The following KHDC1 variants were observed in gnomAD, a reference collection of about 807,000 sequenced individuals.
KHDC1 encodes KH domain containing 1.
Under a neutral mutation model 24.7 loss-of-function variants are expected in KHDC1, and 21 were observed. The observed-to-expected ratio is 0.85, with a 90% CI of 0.60 to 1.23. The LOEUF is 1.23. KHDC1 is among the 50% of genes most tolerant of loss of function. The pLI, the probability that KHDC1 is intolerant of heterozygous loss-of-function variation, is 0.00. For synonymous variants in KHDC1, 98 were observed against 111.7 expected (o/e 0.88, Z 0.77); for missense variants, 274 against 298.5 (o/e 0.92, Z 0.61).
intron 2 of KHDC1, among the ~76,000 whole-genome samples, chr6:73,283,435 T>G (rs35705185): frequency 0.069 from 10,519 of 152,096 alleles, 382 homozygotes; most frequent in East Asian, 0.13. Flanking sequence ...TTTTGTTATA[T>G]AGAGACAGGG....
intron 2 of KHDC1, among the ~76,000 whole-genome samples, chr6:73,277,288 A>T (rs1767316041): frequency 6.6e-6 from 1 of 152,136 alleles, no homozygotes; most frequent in Non-Finnish European, 1.5e-5. Flanking sequence ...AACATGGTGA[A>T]ACCCCATCTC....
intron 1 of KHDC1, among the ~76,000 whole-genome samples, chr6:73,304,913 T>C (rs1767934266): frequency 2.0e-5 from 3 of 152,050 alleles, no homozygotes; most frequent in Admixed American, 2.0e-4. Flanking sequence ...TGGGAACATA[T>C]ATAACAAATT....
At chr6:73,256,403 T>C (rs2150561941) in intron 2 of KHDC1, among the ~76,000 whole-genome samples, 1 of 152,342 alleles carries the variant, frequency 6.6e-6, no homozygotes, top group Admixed American at 6.5e-5. Flanking sequence ...ACAATTTTTA[T>C]TGGCAGTCTG....
At chr6:73,258,598 G>A (rs1183905384) in intron 2 of KHDC1, among the ~76,000 whole-genome samples, 1 of 152,186 alleles carries the variant, frequency 6.6e-6, no homozygotes, top group Non-Finnish European at 1.5e-5. Flanking sequence ...TTAGTAGGAA[G>A]GATGCATTTG....
chr6:73,250,483 C>T lies in KHDC1; in HGVS notation c.207-7953G>A, dbSNP rs528117240. Among the ~76,000 whole-genome samples the T allele has an allele frequency of 1.7e-3, 255 of 152,332 alleles. 1 individual carries two copies. The highest frequency in any genetic ancestry group is 2.4e-3 in the Non-Finnish European group (162 of 68,036). ...TAGCTACAAGTATTTTGCTACCAAC[C>T]TGAAGAGGAAGCCAACACAAGGTGG... On this transcript the variant is annotated intron_variant, in intron 2 of 4. Transcript: ENST00000370384.
intron 1 of KHDC1, among the ~76,000 whole-genome samples, chr6:73,297,333 T>TAAAATATAGATTTCATGATGATGAGCA (rs1428613066): frequency 2.0e-4 from 30 of 152,328 alleles, no homozygotes; most frequent in African/African-American, 7.2e-4. Flanking sequence ...TTTCTCCCAC[T>TAAAATATAGATTTCATGATGATGAGCA]AAAATATAGA....
chr6:73,302,728 T>C lies in KHDC1; in HGVS notation c.163+6824A>G, dbSNP rs111296038. ...CCATTATTGTATTTGAGGCCCATCATTGACTGAAATGTCATTATGTGATAT... is the reference window on the plus strand; with the variant it reads ...CCATTATTGTATTTGAGGCCCATCACTGACTGAAATGTCATTATGTGATAT... On this transcript the variant is annotated intron_variant, in intron 1 of 4. Transcript: ENST00000370384. Among the ~76,000 whole-genome samples, 3 of 152,336 alleles carry C rather than the reference T, an allele frequency of 2.0e-5. No homozygotes were observed. In the East Asian group the frequency reaches 5.8e-4, roughly 29 times the overall value.
chr6:73,294,636 C>T (rs773541837), intron 1 of KHDC1, among the ~76,000 whole-genome samples: 2 of 152,202 alleles, frequency 1.3e-5, no homozygotes, highest in Admixed American at 6.5e-5. Flanking sequence ...ACATGCCACT[C>T]ATCCATTAAC....
At position 73,242,630 on chromosome 6, in the gene KHDC1, C is replaced by T. The variant is rs745904976; in HGVS notation, c.207-100G>A. On this transcript the variant is annotated intron_variant, in intron 2 of 4. Coordinates refer to ENST00000370384, the Ensembl canonical transcript of KHDC1. ...TGTCCTTAACATAGGAACCCAACAA[C>T]CTGCCCCTTGAACTACCTTAGGGTG... is the stretch of plus-strand genomic sequence containing the variant. 7 of 1,485,154 alleles carry T rather than the reference C, an allele frequency of 4.7e-6. No individual in the cohort carries two copies. The South Asian group carries it at 6.2e-5, about 13-fold the overall frequency. 92.0% of individuals were successfully genotyped at this position (1,485,154 alleles called of 1,614,324 possible). A position where few individuals can be genotyped will look rare whatever the true frequency, so the allele number is the denominator to read the frequency against.
At chr6:73,291,965 G>A in intron 2 of KHDC1, 1 of 1,611,456 alleles carries the variant, frequency 6.2e-7, no homozygotes, top group Non-Finnish European at 8.5e-7. Flanking sequence ...TGGTAAGATG[G>A]CGGGGTACGA....
intron 2 of KHDC1, among the ~76,000 whole-genome samples, chr6:73,261,326 C>T (rs1183998365): frequency 2.0e-5 from 3 of 151,860 alleles, no homozygotes; most frequent in African/African-American, 7.3e-5. Flanking sequence ...GCCTGTAATC[C>T]CAGCTACTTG....
At chr6:73,262,982 G>C (rs1219593814) in intron 2 of KHDC1, 1 of 1,001,740 alleles carries the variant, frequency 1.0e-6, no homozygotes, top group South Asian at 4.2e-5. Flanking sequence ...GGGCTTTGAC[G>C]GTAGGAATGA....
intron 1 of KHDC1, chr6:73,301,273 A>G (rs549520817): frequency 2.5e-4 from 38 of 152,224 alleles, no homozygotes; most frequent in Non-Finnish European, 4.8e-4. Context: ...TAATCTACAC[A>G]GAGTTTTGAA....
intron 2 of KHDC1, among the ~76,000 whole-genome samples, chr6:73,244,702 C>CGGG (rs879773407): frequency 2.7e-5 from 1 of 36,720 alleles, no homozygotes; most frequent in South Asian, 1.9e-3. Flanking sequence ...GGCGGGGGGG[C>CGGG]GGGGGGGGGC....
chr6:73,291,307 C>T (rs556113163), intron 2 of KHDC1: 4 of 213,344 alleles, frequency 1.9e-5, no homozygotes, highest in African/African-American at 4.6e-5. Context: ...ATGGAAATAA[C>T]GCTGATGGAA....
intron 2 of KHDC1, among the ~76,000 whole-genome samples, chr6:73,245,945 C>A (rs1464065654): frequency 6.6e-6 from 1 of 152,170 alleles, no homozygotes; most frequent in Non-Finnish European, 1.5e-5. Flanking sequence ...TTGGTTAATG[C>A]TACTTGTTTA....
intron 2 of KHDC1, among the ~76,000 whole-genome samples, chr6:73,245,147 A>G (rs1766643103): frequency 6.6e-6 from 1 of 152,162 alleles, no homozygotes; most frequent in Admixed American, 6.5e-5. Flanking sequence ...AAGATACCAG[A>G]ACATGTATCT....
chr6:73,255,301 C>A (rs1430258508), intron 2 of KHDC1, among the ~76,000 whole-genome samples: 1 of 148,924 alleles, frequency 6.7e-6, no homozygotes. Context: ...CTCACTGCAG[C>A]CTCTGCCTCC....
At chr6:73,250,932 C>G (rs759170521) in intron 2 of KHDC1, among the ~76,000 whole-genome samples, 1 of 152,136 alleles carries the variant, frequency 6.6e-6, no homozygotes, top group Non-Finnish European at 1.5e-5. Flanking sequence ...CTCCACCTCC[C>G]GGGTTCAAGG....
Sources: gnomAD v4.1 joint callset for allele counts (sites outside exome capture counted in the v4.1 genomes callset) on GRCh38, gnomAD v4.1.1 for gene constraint, MANE v1.5 for transcripts, NCBI Gene and HGNC (gene_info 2026-07-23, HGNC 2026-07-21) for gene names.